SYCP2: variants seen among roughly 807,000 people sequenced by gnomAD.
SYCP2 encodes synaptonemal complex lateral element protein.
A neutral mutation model predicts 211.3 loss-of-function variants in SYCP2; 55 were observed. The ratio of observed to expected loss-of-function variants is 0.26; its 90% confidence interval spans 0.21 to 0.33. SYCP2 has a LOEUF of 0.33. Ranked by LOEUF, SYCP2 falls within the 10% of genes least tolerant of loss-of-function variation. SYCP2 has a pLI of 1.00. For missense variants in SYCP2, 1,731 were observed against 1,752.0 expected, an observed-to-expected ratio of 0.99 and a Z score of 0.21; for synonymous variants, 570 against 555.2, an observed-to-expected ratio of 1.03 and a Z score of -0.37.
chr20:59,864,071 C>A lies in SYCP2; in HGVS notation c.*240G>T. Reference sequence around the variant, plus strand: ...AATTAACTCAAAAAGTTTCTTAAAGCTTTTATCTCCAAAATTAAAAAAAAA... The same window carrying A: ...AATTAACTCAAAAAGTTTCTTAAAGATTTTATCTCCAAAATTAAAAAAAAA... On this transcript the variant is annotated 3_prime_UTR_variant, in exon 45 of 45. Transcript: ENST00000357552. 3.5e-6 allele frequency: 1 copy of A among 283,946 alleles called. No homozygotes were observed. Among genetic ancestry groups the A allele is most frequent in the Non-Finnish European group, 6.6e-6 (1 of 151,578 alleles). The allele number at this position is 283,946 out of a possible 1,614,324, so 17.6% of individuals were successfully genotyped here.
chr20:59,912,131 G>C, intron 13 of SYCP2: 1 of 417,668 alleles, frequency 2.4e-6, no homozygotes. Flanking sequence ...ATCAATAATG[G>C]TCTTAAGGAA....
intron 15 of SYCP2, among the ~76,000 whole-genome samples, chr20:59,903,423 T>C (rs777613659): frequency 6.6e-6 from 1 of 152,044 alleles, no homozygotes; most frequent in Non-Finnish European, 1.5e-5. Flanking sequence ...CAGGAAGACA[T>C]AGGATAAAAG....
chr20:59,869,791 C>A lies in SYCP2; in HGVS notation c.3741+7G>T, dbSNP rs763091707. The A allele has an allele frequency of 2.2e-5, 35 of 1,577,876 alleles. No individual in the cohort carries two copies. The highest frequency in any genetic ancestry group is 2.9e-5 in the Non-Finnish European group (33 of 1,152,266). On this transcript the variant is annotated splice_region_variant and intron_variant, in intron 36 of 44. Transcript: ENST00000357552. Reference sequence around the variant, plus strand: ...GGAAAATTTATAAGTTATAGTCCCACACTTACCTCTCTTTTGCTTTGTATA... The same window carrying A: ...GGAAAATTTATAAGTTATAGTCCCAAACTTACCTCTCTTTTGCTTTGTATA...
rs1188235094 is a variant in SYCP2 at position 59,874,023 on chromosome 20, A to C, written c.3388T>G (p.Tyr1130Asp). 1.9e-6 allele frequency: 3 copies of C among 1,608,368 alleles called. No individual in the cohort carries two copies. The African/African-American group carries it at 4.0e-5, about 22-fold the overall frequency. The change falls in exon 35 of 45, where the codon TAT becomes GAT. Residue 1130 changes from tyrosine to aspartate, a missense_variant. Transcript: ENST00000357552. Reference sequence around the variant, plus strand: ...GATATAGATTTTGTTATGCAGTCATAATCCTGAGTAAAATCCTTTTCTGTT... The same window carrying C: ...GATATAGATTTTGTTATGCAGTCATCATCCTGAGTAAAATCCTTTTCTGTT... ...KITEKDFTQD[Y>D]DCITKSISPY... is the part of the protein sequence containing the mutation.
chr20:59,927,699 A>C (rs1192751479), intron 2 of SYCP2, among the ~76,000 whole-genome samples: 5 of 152,150 alleles, frequency 3.3e-5, no homozygotes, highest in Non-Finnish European at 7.4e-5. Context: ...TTCCGTGAGA[A>C]AGACTGAGTA....
At chr20:59,900,922 C>T (rs1335622849) in intron 16 of SYCP2, 104 bp from the exon 17 acceptor site, 2 of 847,866 alleles carry the variant, frequency 2.4e-6, no homozygotes, top group Admixed American at 2.3e-5. Context: ...CTGTTTTCTT[C>T]CAAAATTGCC....
intron 26 of SYCP2, among the ~76,000 whole-genome samples, chr20:59,884,123 C>T (rs1230993956): frequency 6.6e-6 from 1 of 151,954 alleles, no homozygotes; most frequent in Non-Finnish European, 1.5e-5. Context: ...AAATAAATGA[C>T]CTCCTTACTG....
chr20:59,879,199 A>T (rs190250569), intron 31 of SYCP2, among the ~76,000 whole-genome samples: 3 of 152,168 alleles, frequency 2.0e-5, no homozygotes, highest in Non-Finnish European at 2.9e-5. Flanking sequence ...GATGCAATCT[A>T]GCCTCACCTT....
intron 26 of SYCP2, among the ~76,000 whole-genome samples, chr20:59,883,959 T>A (rs948778142): frequency 6.6e-6 from 1 of 152,086 alleles, no homozygotes; most frequent in African/African-American, 2.4e-5. Context: ...ATAGTAACCA[T>A]TTCACTATGT....
chr20:59,873,158 A>G (rs2059487524), intron 35 of SYCP2, among the ~76,000 whole-genome samples: 1 of 152,106 alleles, frequency 6.6e-6, no homozygotes, highest in South Asian at 2.1e-4. Context: ...CTTACCATAG[A>G]TCTTAGCAAC....
intron 6 of SYCP2, 111 bp from the exon 7 acceptor site, chr20:59,919,293 A>T (rs1444315951): frequency 1.2e-5 from 8 of 692,544 alleles, no homozygotes; most frequent in Non-Finnish European, 1.2e-5. Context: ...ATTTTAACTC[A>T]GAGCATAATT....
At chr20:59,896,308 T>C (rs2060006097) in intron 19 of SYCP2, 121 bp downstream of exon 19, 1 of 578,534 alleles carries the variant, frequency 1.7e-6, no homozygotes, top group Admixed American at 3.2e-5. Flanking sequence ...GTGGTTCATA[T>C]TTTATCAATT....
rs2059652759 is a variant in SYCP2 at position 59,880,384 on chromosome 20, G to C, written c.2860C>G (p.Leu954Val). 2.5e-6 allele frequency: 4 copies of C among 1,601,594 alleles called. No individual in the cohort carries two copies. Among genetic ancestry groups the C allele is most frequent in the Non-Finnish European group, 3.4e-6 (4 of 1,171,700 alleles). Residue 954 changes from leucine to valine, a missense_variant, in exon 31 of 45, where the codon CTA (leucine) becomes GTA (valine). Leu to Val is a conservative substitution (Grantham distance 32). Coordinates refer to ENST00000357552, the MANE Select transcript of SYCP2 (RefSeq NM_014258.4). Reference protein sequence around the residue: ...CDDSKTDISWLREPKSKPQLI... With the variant: ...CDDSKTDISWVREPKSKPQLI... ...TGTGGTTTTGATTTCGGTTCTCTTA[G>C]CCAGCTAATATCAGTCTTGCTGTCA...
At position 59,867,779 on chromosome 20, in the gene SYCP2, A is replaced by G; in HGVS notation, c.4057T>C (p.Phe1353Leu). 3.7e-6 allele frequency: 6 copies of G among 1,610,316 alleles called. No individual in the cohort carries two copies. The highest frequency in any genetic ancestry group is 1.1e-5 in the South Asian group (1 of 90,948). Reference protein sequence around the residue: ...SIPWETWQNEFAGIEMTYETY... With the variant: ...SIPWETWQNELAGIEMTYETY... Reference sequence around the variant, plus strand: ...TCATAAGTCATCTCTATCCCTGCAAATTCATTTTGCCAGGTCTCCCAAGGA... The same window carrying G: ...TCATAAGTCATCTCTATCCCTGCAAGTTCATTTTGCCAGGTCTCCCAAGGA... Residue 1353 changes from phenylalanine (F) to leucine (L), a missense_variant, in exon 39 of 45, where the codon TTT becomes CTT. Phe to Leu is a conservative substitution (Grantham distance 22). This residue lies in a region of SYCP2 where 1,387 missense variants were observed against 1,351.3 expected (regional missense o/e 1.03). Coordinates refer to ENST00000357552, the MANE Select transcript of SYCP2 (RefSeq NM_014258.4).
intron 14 of SYCP2, among the ~76,000 whole-genome samples, chr20:59,907,874 A>T (rs2060241501): frequency 6.6e-6 from 1 of 152,192 alleles, no homozygotes; most frequent in Admixed American, 6.5e-5. Flanking sequence ...TAATAACCTA[A>T]AATGTTTGCC....
chr20:59,919,306 T>C (rs903495657), intron 6 of SYCP2, 124 bp from the exon 7 acceptor site: 101 of 676,872 alleles, frequency 1.5e-4, no homozygotes, highest in Non-Finnish European at 2.3e-4. Context: ...GCATAATTAC[T>C]TTTTATTAAC....
intron 31 of SYCP2, among the ~76,000 whole-genome samples, chr20:59,878,486 T>C (rs2059603582): frequency 6.6e-6 from 1 of 152,158 alleles, no homozygotes; most frequent in Admixed American, 6.6e-5. Context: ...TAAGAGAATA[T>C]GTCAGCATAA....
chr20:59,892,981 G>C (rs1303132952), intron 22 of SYCP2, among the ~76,000 whole-genome samples, 161 bp downstream of exon 22: 1 of 151,700 alleles, frequency 6.6e-6, no homozygotes, highest in Non-Finnish European at 1.5e-5. Context: ...ACCACATGGG[G>C]AAAAAACCAT....
At chr20:59,874,083 AAG>A in intron 34 of SYCP2, 22 bp from the exon 35 acceptor site, 5 of 1,363,586 alleles carry the variant, frequency 3.7e-6, no homozygotes, top group Non-Finnish European at 5.0e-6. Flanking sequence ...CAAAATAAAA[AAG>A]AAAATAGATG....
Sources: allele counts gnomAD v4.1 joint callset (sites outside exome capture counted in the v4.1 genomes callset), GRCh38; gene constraint gnomAD v4.1.1; regional missense constraint gnomAD v4.1.1; transcripts MANE v1.5; gene names NCBI Gene and HGNC (gene_info 2026-07-23, HGNC 2026-07-21).